RANBP2: variants seen among roughly 807,000 people sequenced by gnomAD.
RANBP2 encodes RAN binding protein 2.
In RANBP2, 57 loss-of-function variants were observed where a neutral mutation model predicts 303.6. That is an observed-to-expected ratio of 0.19 (90% confidence interval 0.15 to 0.23). RANBP2 has a LOEUF of 0.23. Among genes scored for constraint, RANBP2 ranks in the 10% least tolerant of loss-of-function variants. The pLI, the probability that RANBP2 is intolerant of heterozygous loss-of-function variation, is 1.00. For missense variants in RANBP2, 3,138 were observed against 3,780.8 expected (o/e 0.83, Z 4.46); for synonymous variants, 1,167 against 1,301.5 (o/e 0.90, Z 2.23).
the RANBP2 span, among the ~76,000 whole-genome samples, chr2:109,555,160 C>A: frequency 6.6e-6 from 1 of 152,184 alleles, no homozygotes; most frequent in African/African-American, 2.4e-5. Context: ...ATCTCATTAT[C>A]TTTTCTCACC....
At chr2:109,282,986 G>A in the RANBP2 span, among the ~76,000 whole-genome samples, 3 of 152,180 alleles carry the variant, frequency 2.0e-5, no homozygotes, top group South Asian at 2.1e-4. Context: ...ACTCCCTCAC[G>A]TGGAGGAAGG....
the RANBP2 span, among the ~76,000 whole-genome samples, chr2:109,690,631 G>C: frequency 6.6e-6 from 1 of 152,122 alleles, no homozygotes; most frequent in Non-Finnish European, 1.5e-5. Flanking sequence ...AGGAATCCCA[G>C]AGTCCCTTGA....
At chr2:109,234,312 A>G in the RANBP2 span, among the ~76,000 whole-genome samples, 4 of 152,234 alleles carry the variant, frequency 2.6e-5, no homozygotes, top group Non-Finnish European at 5.9e-5. Flanking sequence ...GGAAAACTTT[A>G]GGTTAGATGA....
At chr2:109,606,093 G>A in the RANBP2 span, among the ~76,000 whole-genome samples, 1 of 152,208 alleles carries the variant, frequency 6.6e-6, no homozygotes, top group Non-Finnish European at 1.5e-5. Context: ...AGAGATAACA[G>A]TACTCAGCTC....
At chr2:109,428,798 C>T in the RANBP2 span, among the ~76,000 whole-genome samples, 59,039 of 151,930 alleles carry the variant, frequency 0.39, 11,834 homozygotes, top group East Asian at 0.46. Flanking sequence ...CTGAGCACTC[C>T]GCAGGGCCTG....
the RANBP2 span, among the ~76,000 whole-genome samples, chr2:109,374,622 G>C: frequency 1.2e-4 from 19 of 152,212 alleles, no homozygotes; most frequent in Non-Finnish European, 1.8e-4. Context: ...CACAGTCCCG[G>C]TGATGCTTGT....
the RANBP2 span, among the ~76,000 whole-genome samples, chr2:109,687,444 T>C: frequency 6.6e-6 from 1 of 152,146 alleles, no homozygotes; most frequent in African/African-American, 2.4e-5. Flanking sequence ...AGCCCTGGTT[T>C]CTCTTCTTGG....
At chr2:109,409,949 G>T in the RANBP2 span, among the ~76,000 whole-genome samples, 1 of 152,148 alleles carries the variant, frequency 6.6e-6, no homozygotes, top group Non-Finnish European at 1.5e-5. Context: ...TAAATGAGGA[G>T]ATGTTTCTTC....
chr2:109,067,906 C>T, the RANBP2 span, among the ~76,000 whole-genome samples: 2 of 152,218 alleles, frequency 1.3e-5, no homozygotes, highest in Non-Finnish European at 2.9e-5. Flanking sequence ...CAGCCCCTTC[C>T]TCCCTCAGCC....
At chr2:109,265,452 C>T in the RANBP2 span, among the ~76,000 whole-genome samples, 2 of 152,234 alleles carry the variant, frequency 1.3e-5, no homozygotes, top group Non-Finnish European at 2.9e-5. Flanking sequence ...CAGTGAGCCC[C>T]CACCTCCCAG....
the RANBP2 span, chr2:109,544,127 C>T: frequency 6.5e-7 from 1 of 1,526,774 alleles, no homozygotes; most frequent in South Asian, 1.2e-5. Flanking sequence ...TAGTATCATT[C>T]ACTCTGGCTT....
chr2:109,474,555 G>A, the RANBP2 span, among the ~76,000 whole-genome samples: 8 of 152,164 alleles, frequency 5.3e-5, no homozygotes, highest in African/African-American at 9.7e-5. Flanking sequence ...CGAACCGCAC[G>A]GGGCTTATAG....
the RANBP2 span, among the ~76,000 whole-genome samples, chr2:108,864,793 CA>C: frequency 0.092 from 11,437 of 124,938 alleles, 718 homozygotes; most frequent in African/African-American, 0.19. Context: ...GACTCCATCT[CA>C]AAAAAAAAAA....
the RANBP2 span, among the ~76,000 whole-genome samples, chr2:109,266,735 C>T: frequency 6.6e-6 from 1 of 152,326 alleles, no homozygotes; most frequent in African/African-American, 2.4e-5. Flanking sequence ...ACACGGCCCA[C>T]GCTTGCTTCA....
the RANBP2 span, among the ~76,000 whole-genome samples, chr2:109,674,112 A>C: frequency 6.6e-6 from 1 of 152,004 alleles, no homozygotes; most frequent in African/African-American, 2.4e-5. Context: ...AATACCTTTC[A>C]CATCCTATTG....
chr2:109,065,958 A>G, the RANBP2 span, among the ~76,000 whole-genome samples: 237 of 152,010 alleles, frequency 1.6e-3, no homozygotes, highest in African/African-American at 5.5e-3. Context: ...ATTTTTTTTG[A>G]CAGAGTTTCA....
chr2:109,086,915 G>T, the RANBP2 span, among the ~76,000 whole-genome samples: 1 of 152,140 alleles, frequency 6.6e-6, no homozygotes, highest in Non-Finnish European at 1.5e-5. Context: ...CCCTACAAAT[G>T]AGCTCTTCAC....
At chr2:109,138,683 A>G in the RANBP2 span, among the ~76,000 whole-genome samples, 2 of 152,204 alleles carry the variant, frequency 1.3e-5, no homozygotes, top group Non-Finnish European at 2.9e-5. Context: ...CTGCCTGCAG[A>G]CTGCAGCTGT....
At chr2:109,737,722 A>G in the RANBP2 span, among the ~76,000 whole-genome samples, 1 of 152,180 alleles carries the variant, frequency 6.6e-6, no homozygotes, top group Admixed American at 6.5e-5. Context: ...TTTAATCTGC[A>G]TCCTCTCCAG....
Sources: gnomAD v4.1 joint callset for allele counts (sites outside exome capture counted in the v4.1 genomes callset) on GRCh38, gnomAD v4.1.1 for gene constraint, MANE v1.5 for transcripts, NCBI Gene and HGNC (gene_info 2026-07-23, HGNC 2026-07-21) for gene names.